Variants in RBFOX1 observed in about 807,000 individuals in gnomAD.
RBFOX1 encodes the protein RNA binding fox-1 homolog 1, also known as RNA binding protein fox-1 homolog 1.
Under a neutral mutation model 57.7 loss-of-function variants are expected in RBFOX1, and 8 were observed. The observed-to-expected ratio is 0.14, with a 90% CI of 0.08 to 0.25. RBFOX1 has a LOEUF of 0.25. Ranked by LOEUF, RBFOX1 falls within the 10% of genes least tolerant of loss-of-function variation. The pLI is 1.00. For missense variants in RBFOX1, 611 were observed against 548.5 expected (o/e 1.11, Z -1.14); for synonymous variants, 326 against 222.4 (o/e 1.47, Z -4.15).
At chr16:7,375,836 A>G (rs1282875797) in intron 4 of RBFOX1, among the ~76,000 whole-genome samples, 1 of 152,152 alleles carries the variant, frequency 6.6e-6, no homozygotes, top group Non-Finnish European at 1.5e-5. Flanking sequence ...ACTAGCAATA[A>G]TTTTATTATT....
intron 1 of RBFOX1, among the ~76,000 whole-genome samples, chr16:6,166,557 G>A (rs1267073528): frequency 6.6e-6 from 1 of 152,040 alleles, no homozygotes; most frequent in Non-Finnish European, 1.5e-5. Flanking sequence ...TTCGTGTGGT[G>A]ACAAGGGTGA....
At chr16:7,195,537 CTTTATTTATGTA>C (rs1407927804) in intron 4 of RBFOX1, among the ~76,000 whole-genome samples, 2 of 152,086 alleles carry the variant, frequency 1.3e-5, no homozygotes, top group Non-Finnish European at 2.9e-5. Context: ...CTCTTGCTCT[CTTTATTTATGTA>C]TTTATTTATT....
At chr16:6,842,317 A>C (rs2093519806) in intron 3 of RBFOX1, among the ~76,000 whole-genome samples, 1 of 152,210 alleles carries the variant, frequency 6.6e-6, no homozygotes, top group Admixed American at 6.5e-5. Flanking sequence ...TTTTCTGATC[A>C]GAGAAACAAC....
chr16:5,359,519 G>A (rs79746180), intron 1 of RBFOX1, among the ~76,000 whole-genome samples: 1,849 of 152,284 alleles, frequency 0.012, 35 homozygotes, highest in African/African-American at 0.042. Context: ...ACTGGGGTGC[G>A]ATGGCATCTC....
chr16:5,307,765 C>G (rs948914182), intron 1 of RBFOX1, among the ~76,000 whole-genome samples: 1 of 152,120 alleles, frequency 6.6e-6, no homozygotes, highest in African/African-American at 2.4e-5. Flanking sequence ...CCTCAAAATC[C>G]AGGGCTTAAG....
intron 1 of RBFOX1, among the ~76,000 whole-genome samples, chr16:6,293,615 C>T (rs1428876957): frequency 6.6e-6 from 1 of 152,092 alleles, no homozygotes; most frequent in Non-Finnish European, 1.5e-5. Context: ...ATACCTTATG[C>T]CGTATCTTAG....
chr16:6,210,813 A>C (rs558523475), intron 1 of RBFOX1, among the ~76,000 whole-genome samples: 1 of 152,322 alleles, frequency 6.6e-6, no homozygotes, highest in South Asian at 2.1e-4. Context: ...CTTCAAAGAC[A>C]TGGGCACAGA....
At chr16:7,461,911 G>C (rs1274086264) in intron 4 of RBFOX1, among the ~76,000 whole-genome samples, 1 of 152,158 alleles carries the variant, frequency 6.6e-6, no homozygotes, top group Admixed American at 6.5e-5. Context: ...ACTCCAGAGA[G>C]ACTTCTACCC....
chr16:7,042,467 A>T (rs1360430880), intron 3 of RBFOX1, among the ~76,000 whole-genome samples: 1 of 152,224 alleles, frequency 6.6e-6, no homozygotes, highest in Non-Finnish European at 1.5e-5. Flanking sequence ...TTCCACCTGT[A>T]AAATGGAGCT....
chr16:7,605,895 G>C (rs2095265039), intron 9 of RBFOX1, among the ~76,000 whole-genome samples: 1 of 151,918 alleles, frequency 6.6e-6, no homozygotes, highest in African/African-American at 2.4e-5. Flanking sequence ...CTGGAGTACA[G>C]TGGCACCATC....
In RBFOX1 at chr16:5,592,188, T is replaced by C. The variant is rs887921107; in HGVS notation, c.259-6714T>C. On this transcript the variant is annotated intron_variant, in intron 2 of 2. Transcript: ENST00000585867. ...TGCTTGTTTTTTTCTATGGACTTCC[T>C]TTGGTGTTTTCCTTATTGACTGGGG... Among the ~76,000 whole-genome samples the C allele has an allele frequency of 9.1e-4, 139 of 152,114 alleles. 1 individual carries two copies. Among genetic ancestry groups the C allele is most frequent in the African/African-American group, 3.0e-3 (124 of 41,434 alleles).
chr16:7,325,315 T>A (rs2096597294), intron 4 of RBFOX1, among the ~76,000 whole-genome samples: 3 of 152,194 alleles, frequency 2.0e-5, no homozygotes, highest in Admixed American at 6.5e-5. Context: ...AGAGGTTAAG[T>A]GATGTGCACG....
rs190478330 is a variant in RBFOX1 at position 5,970,427 on chromosome 16, C to G, written c.351+103092C>G. Among the ~76,000 whole-genome samples the G allele has an allele frequency of 7.7e-3, 1,178 of 152,184 alleles. 6 individuals carry two copies. The highest frequency in any genetic ancestry group is 0.011 in the Non-Finnish European group (748 of 68,016). ...TATGGTCATTTTTTTGGGATTAAAA[C>G]CAAGGCAGTCTCCTCTCTTGACTAT... On this transcript the variant is annotated intron_variant, in intron 4 of 19. Transcript: ENST00000641259.
chr16:5,421,043 G>C (rs1367563625), intron 1 of RBFOX1, among the ~76,000 whole-genome samples: 4 of 148,052 alleles, frequency 2.7e-5, no homozygotes, highest in African/African-American at 1.0e-4. Context: ...AACTTGCTTT[G>C]TCACCTAGGC....
chr16:7,607,204 C>G (rs944240393), intron 9 of RBFOX1, 81 bp from the exon 10 acceptor site: 6 of 1,292,994 alleles, frequency 4.6e-6, no homozygotes, highest in Non-Finnish European at 6.6e-6. Flanking sequence ...TACTTTAACC[C>G]ATTTGATTTG....
intron 2 of RBFOX1, among the ~76,000 whole-genome samples, chr16:6,525,380 G>T (rs533910091): frequency 7.2e-5 from 11 of 152,162 alleles, no homozygotes; most frequent in Admixed American, 1.3e-4. Flanking sequence ...GAGCAAGAGC[G>T]TGAGCTGAGC....
At chr16:6,742,517 C>G (rs1197150531) in intron 3 of RBFOX1, among the ~76,000 whole-genome samples, 1 of 152,068 alleles carries the variant, frequency 6.6e-6, no homozygotes, top group Non-Finnish European at 1.5e-5. Flanking sequence ...CCACGAAAAA[C>G]CCCAGAAAGC....
chr16:7,214,815 T>C (rs1367057944), intron 4 of RBFOX1, among the ~76,000 whole-genome samples: 2 of 152,182 alleles, frequency 1.3e-5, no homozygotes, highest in Admixed American at 6.5e-5. Context: ...GTTCCTCACA[T>C]TTAATGTCTG....
intron 2 of RBFOX1, among the ~76,000 whole-genome samples, chr16:5,508,953 A>T (rs923177157): frequency 6.6e-5 from 10 of 152,086 alleles, no homozygotes; most frequent in Non-Finnish European, 1.3e-4. Flanking sequence ...GTCTTTGCCC[A>T]CTCATCTCAA....
Sources: gnomAD v4.1 joint callset for allele counts (sites outside exome capture counted in the v4.1 genomes callset) on GRCh38, gnomAD v4.1.1 for gene constraint, MANE v1.5 for transcripts, NCBI Gene and HGNC (gene_info 2026-07-23, HGNC 2026-07-21) for gene names.